ANKS1A: variants seen among roughly 807,000 people sequenced by gnomAD.
ANKS1A encodes the protein ankyrin repeat and SAM domain-containing protein 1A.
ANKS1A carries 55 observed loss-of-function variants against 120.3 expected under a neutral mutation model. The ratio of observed to expected loss-of-function variants is 0.46; its 90% confidence interval spans 0.37 to 0.57. The LOEUF is 0.57. Ranked by LOEUF, ANKS1A falls within the 20% of genes least tolerant of loss-of-function variation. ANKS1A has a pLI of 0.00. For missense variants in ANKS1A, 1,123 were observed against 1,480.3 expected (o/e 0.76, Z 3.96); for synonymous variants, 590 against 604.7 (o/e 0.98, Z 0.36).
Position 35,081,055 on chromosome 6 carries a change from G to C in ANKS1A, c.2606G>C (p.Arg869Pro). Residue 869 changes from arginine to proline, a missense_variant, in exon 17 of 24, where the codon CGG (arginine) becomes CCG (proline). Arg to Pro is a moderately radical substitution (Grantham distance 103). This residue lies in a region of ANKS1A where 904 missense variants were observed against 1,130.4 expected (regional missense o/e 0.80). Coordinates refer to ENST00000360359, the MANE Select transcript of ANKS1A (RefSeq NM_015245.3). ...AGTCAGAATGATTCCTGCACTGGGC[G>C]GTCGGCAGATCTGCTGCTGCCTCCA... ...PLSQNDSCTG[R>P]SADLLLPPGD... is the part of the protein sequence containing the mutation. The C allele has an allele frequency of 6.2e-7, 1 of 1,614,038 alleles. No individual in the cohort carries two copies. The highest frequency in any genetic ancestry group is 8.5e-7 in the Non-Finnish European group (1 of 1,179,984).
chr6:34,938,005 C>T (rs1769344007), intron 1 of ANKS1A, among the ~76,000 whole-genome samples: 1 of 152,178 alleles, frequency 6.6e-6, no homozygotes, highest in African/African-American at 2.4e-5. Flanking sequence ...CCACACCTCC[C>T]TCTGTAGTGA....
intron 16 of ANKS1A, 144 bp downstream of exon 16, chr6:35,080,072 GT>G: frequency 2.2e-6 from 2 of 902,670 alleles, no homozygotes; most frequent in Non-Finnish European, 3.3e-6. Flanking sequence ...AGGAGAGGAG[GT>G]TTAGAGAAGT....
Position 35,086,085 on chromosome 6 carries a change from C to A in ANKS1A, c.3303+149C>A. 7.8e-7 allele frequency: 1 copy of A among 1,286,826 alleles called. No homozygotes were observed. The highest frequency in any genetic ancestry group is 1.0e-6 in the Non-Finnish European group (1 of 961,774). The allele number at this position is 1,286,826 out of a possible 1,614,324, so 79.7% of individuals were successfully genotyped here. On this transcript the variant is annotated intron_variant, in intron 22 of 23. Coordinates refer to ENST00000360359, the MANE Select transcript of ANKS1A (RefSeq NM_015245.3). This position sits in a 1 kb window ranked among gnomAD's most constrained non-coding sequence, Gnocchi z 5.1. ...CCTCTTAATTGTCCCCCAACCCTGC[C>A]AGGTCTCGCCCCTGGAAAGGCAGCA...
In ANKS1A at chr6:35,017,781, C is replaced by A; in HGVS notation, c.1732C>A (p.Arg578Ser). 6.2e-7 allele frequency: 1 copy of A among 1,614,182 alleles called. No individual in the cohort carries two copies. ...YLTGLPTTNS[R>S]SHPETLTHTA... Reference sequence around the variant, plus strand: ...CACAGGCCTGCCCACCACCAACAGCCGCTCGCACCCTGAAACTTTGACTCA... The same window carrying A: ...CACAGGCCTGCCCACCACCAACAGCAGCTCGCACCCTGAAACTTTGACTCA... The change falls in exon 11 of 24, where the codon CGC (arginine) becomes AGC (serine). Residue 578 changes from arginine (R) to serine (S), a missense_variant. Arg to Ser is a moderately radical substitution (Grantham distance 110, BLOSUM62 -1). Coordinates refer to ENST00000360359, the MANE Select transcript of ANKS1A (RefSeq NM_015245.3).
chr6:34,987,532 G>A (rs1772274499), intron 8 of ANKS1A, among the ~76,000 whole-genome samples: 1 of 152,166 alleles, frequency 6.6e-6, no homozygotes, highest in African/African-American at 2.4e-5. Flanking sequence ...CACTTCTGGA[G>A]CAAAGAAGGG....
intron 23 of ANKS1A, 96 bp from the exon 24 acceptor site, chr6:35,088,510 C>A: frequency 6.6e-7 from 1 of 1,519,144 alleles, no homozygotes; most frequent in Non-Finnish European, 9.1e-7. Flanking sequence ...TGTGAGGGAT[C>A]GTCTGTCCTG....
chr6:34,907,464 G>A (rs1346143867), intron 1 of ANKS1A, among the ~76,000 whole-genome samples: 1 of 152,068 alleles, frequency 6.6e-6, no homozygotes, highest in Non-Finnish European at 1.5e-5. Context: ...TGAAAAGTCA[G>A]ACCTCTACAC....
At chr6:34,919,586 T>C (rs1768335095) in intron 1 of ANKS1A, among the ~76,000 whole-genome samples, 1 of 152,160 alleles carries the variant, frequency 6.6e-6, no homozygotes, top group Non-Finnish European at 1.5e-5. Context: ...TTTTAGAAAA[T>C]GCAGTTGGTG....
chr6:35,034,893 C>A (rs1407837774), intron 11 of ANKS1A, among the ~76,000 whole-genome samples: 1 of 152,194 alleles, frequency 6.6e-6, no homozygotes, highest in South Asian at 2.1e-4. Flanking sequence ...CGAATCCTGG[C>A]ATCCTGAGCC....
chr6:34,980,942 TCA>T (rs1279057490), intron 3 of ANKS1A, among the ~76,000 whole-genome samples: 1 of 152,226 alleles, frequency 6.6e-6, no homozygotes, highest in African/African-American at 2.4e-5. Flanking sequence ...TTTGCACCTC[TCA>T]CACAAAACAT....
At chr6:35,016,814 A>G (rs1225222725) in intron 10 of ANKS1A, among the ~76,000 whole-genome samples, 4 of 149,990 alleles carry the variant, frequency 2.7e-5, no homozygotes, top group Non-Finnish European at 5.9e-5. Flanking sequence ...GTGCTCCCTG[A>G]GGAAGGAAGG....
intron 1 of ANKS1A, among the ~76,000 whole-genome samples, chr6:34,898,369 C>T (rs1561835192): frequency 6.6e-6 from 1 of 152,104 alleles, no homozygotes; most frequent in Non-Finnish European, 1.5e-5. Context: ...TTTCAGGGTG[C>T]TGACTCAATA....
intron 11 of ANKS1A, among the ~76,000 whole-genome samples, chr6:35,042,147 T>C (rs1775492576): frequency 6.6e-6 from 1 of 152,204 alleles, no homozygotes; most frequent in African/African-American, 2.4e-5. Context: ...ATATGTTCTT[T>C]GGAATTTAAG....
At chr6:34,967,436 C>A in intron 2 of ANKS1A, 117 bp downstream of exon 2, 1 of 954,258 alleles carries the variant, frequency 1.0e-6, no homozygotes, top group Non-Finnish European at 1.5e-6. Context: ...GCCTGTAATC[C>A]CAGCACTTTG....
At chr6:34,939,012 G>A (rs1338357891) in intron 1 of ANKS1A, among the ~76,000 whole-genome samples, 3 of 152,086 alleles carry the variant, frequency 2.0e-5, no homozygotes, top group Non-Finnish European at 4.4e-5. Context: ...ACAAAACCAA[G>A]TATTTCTTTG....
chr6:35,036,099 C>T (rs1251409487), intron 11 of ANKS1A, among the ~76,000 whole-genome samples: 2 of 152,218 alleles, frequency 1.3e-5, no homozygotes, highest in Admixed American at 1.3e-4. Context: ...ACATGGATTT[C>T]ATGCTGGGTG....
At chr6:34,892,835 C>A (rs780058503) in intron 1 of ANKS1A, among the ~76,000 whole-genome samples, 41 of 152,188 alleles carry the variant, frequency 2.7e-4, no homozygotes, top group Admixed American at 2.6e-4. Context: ...CATATAGCAA[C>A]CCTCACCGAT....
chr6:35,075,960 G>A (rs1161093582), intron 13 of ANKS1A, among the ~76,000 whole-genome samples: 2 of 152,062 alleles, frequency 1.3e-5, no homozygotes, highest in African/African-American at 2.4e-5. Flanking sequence ...GAGTCTCACT[G>A]CGTTGCCCAA....
intron 8 of ANKS1A, among the ~76,000 whole-genome samples, chr6:34,985,676 A>G (rs191241670): frequency 1.6e-3 from 237 of 152,316 alleles, no homozygotes; most frequent in African/African-American, 5.4e-3. Context: ...ATGAGTTCCT[A>G]TCTGTCCTGA....
Sources: gnomAD v4.1 joint callset for allele counts (sites outside exome capture counted in the v4.1 genomes callset) on GRCh38, gnomAD v4.1.1 for gene constraint, gnomAD v4.1.1 regional missense constraint, Gnocchi (gnomAD v3.1) non-coding constraint, MANE v1.5 for transcripts, NCBI Gene and HGNC (gene_info 2026-07-23, HGNC 2026-07-21) for gene names.